ZBBX: variants seen among roughly 807,000 people sequenced by gnomAD.
ZBBX encodes the protein zinc finger B-box domain-containing protein 1.
A neutral mutation model predicts 108.5 loss-of-function variants in ZBBX; 101 were observed. The observed-to-expected ratio is 0.93, with a 90% confidence interval of 0.79 to 1.10. The LOEUF (loss-of-function observed/expected upper bound fraction) is 1.10. Among genes scored for constraint, ZBBX ranks in the 50% least tolerant of loss-of-function variants. The pLI, the probability that ZBBX is intolerant of heterozygous loss-of-function variation, is 0.00. For synonymous variants in ZBBX, 356 were observed against 323.4 expected (o/e 1.10, Z -1.08); for missense variants, 1,009 against 941.4 (o/e 1.07, Z -0.94).
intron 19 of ZBBX, among the ~76,000 whole-genome samples, chr3:167,285,654 T>A (rs1415430460): frequency 1.3e-5 from 2 of 152,136 alleles, no homozygotes; most frequent in Non-Finnish European, 2.9e-5. Context: ...ACGTCTTAAA[T>A]TCCTTCCAAC....
intron 17 of ZBBX, among the ~76,000 whole-genome samples, chr3:167,302,752 G>A (rs1371541490): frequency 6.6e-6 from 1 of 152,136 alleles, no homozygotes; most frequent in Non-Finnish European, 1.5e-5. Context: ...GCAGTTGCCA[G>A]AGTATCATCA....
At position 167,328,085 on chromosome 3, in the gene ZBBX, C is replaced by T. The variant is rs377612237; in HGVS notation, c.719G>A (p.Arg240His). 38 of 1,613,114 alleles carry T rather than the reference C, an allele frequency of 2.4e-5. No individual in the cohort carries two copies. In the African/African-American group the frequency reaches 4.3e-4, roughly 18 times the overall value. The change falls in exon 11 of 22, where the codon CGT becomes CAT. Residue 240 changes from arginine (R) to histidine (H), a missense_variant. Coordinates refer to ENST00000675490, the MANE Select transcript of ZBBX (RefSeq NM_001199201.2). ...CAACAGACTCTTTCTTGGTTTTGTA[C>T]GTTGTGCTCTTTTCATCGTTGTAAT... The part of the protein sequence containing the change: ...VEITTMKRAQ[R>H]TKPRKSLLCE...
intron 6 of ZBBX, among the ~76,000 whole-genome samples, chr3:167,365,116 T>G (rs1364036290): frequency 1.3e-5 from 2 of 151,744 alleles, no homozygotes; most frequent in Non-Finnish European, 2.9e-5. Context: ...TATAATTGAT[T>G]TTTCCCTAAG....
intron 5 of ZBBX, among the ~76,000 whole-genome samples, chr3:167,367,965 T>C (rs1745572280): frequency 4.7e-5 from 1 of 21,098 alleles, no homozygotes; most frequent in African/African-American, 1.5e-4. Context: ...TGATTATATA[T>C]ATGTATATAT....
chr3:167,199,819 C>T, the ZBBX span, among the ~76,000 whole-genome samples: 2 of 152,172 alleles, frequency 1.3e-5, no homozygotes, highest in South Asian at 2.1e-4. Context: ...CCAGCACATA[C>T]ATTTTCAAGA....
the ZBBX span, among the ~76,000 whole-genome samples, chr3:167,200,509 T>C: frequency 6.6e-6 from 1 of 152,132 alleles, no homozygotes; most frequent in Non-Finnish European, 1.5e-5. Flanking sequence ...TCTCAGAGTG[T>C]CCTGAGGCTT....
chr3:167,359,278 C>T (rs1486448509), intron 8 of ZBBX, among the ~76,000 whole-genome samples: 3 of 151,974 alleles, frequency 2.0e-5, no homozygotes, highest in African/African-American at 7.3e-5. Flanking sequence ...ACAGTAGTTG[C>T]CTTGGTGTTG....
chr3:167,357,821 A>C (rs969989530), intron 8 of ZBBX, among the ~76,000 whole-genome samples: 27 of 152,106 alleles, frequency 1.8e-4, no homozygotes, highest in African/African-American at 6.3e-4. Context: ...TGTGGCACAT[A>C]TACACCATGG....
At chr3:167,191,895 TC>T in the ZBBX span, among the ~76,000 whole-genome samples, 114 of 16,536 alleles carry the variant, frequency 6.9e-3, 5 homozygotes, top group African/African-American at 0.023. Context: ...CTTACAAAAA[TC>T]ATATATATAT....
the ZBBX span, among the ~76,000 whole-genome samples, chr3:167,182,363 C>T: frequency 6.6e-5 from 10 of 152,266 alleles, no homozygotes; most frequent in East Asian, 3.9e-4. Context: ...AGCTAGTAAC[C>T]GCAACACTAT....
At chr3:167,386,599 C>T (rs1425477305) in intron 1 of ZBBX, among the ~76,000 whole-genome samples, 1 of 151,944 alleles carries the variant, frequency 6.6e-6, no homozygotes, top group African/African-American at 2.4e-5. Flanking sequence ...TTTTTAATCA[C>T]TTAAGTTTCT....
chr3:167,319,520 A>G (rs1736051812), intron 12 of ZBBX, among the ~76,000 whole-genome samples: 1 of 152,044 alleles, frequency 6.6e-6, no homozygotes, highest in South Asian at 2.1e-4. Context: ...AAAATCAGTG[A>G]GGATATGGGC....
intron 9 of ZBBX, among the ~76,000 whole-genome samples, chr3:167,342,593 T>A (rs1162107384): frequency 4.6e-5 from 7 of 151,752 alleles, no homozygotes; most frequent in Non-Finnish European, 1.0e-4. Context: ...CAGAACTCAT[T>A]TATATTGCTA....
intron 20 of ZBBX, among the ~76,000 whole-genome samples, chr3:167,279,116 T>G (rs2108511067): frequency 6.6e-6 from 1 of 151,484 alleles, no homozygotes; most frequent in South Asian, 2.1e-4. Context: ...TAATAAGAGC[T>G]ATCTATGACA....
intron 6 of ZBBX, among the ~76,000 whole-genome samples, chr3:167,361,881 C>G (rs1264876662): frequency 6.6e-6 from 1 of 152,038 alleles, no homozygotes; most frequent in Admixed American, 6.6e-5. Flanking sequence ...GATAGATATG[C>G]CCAAGCAAAA....
the ZBBX span, among the ~76,000 whole-genome samples, chr3:167,179,790 T>C: frequency 6.6e-6 from 1 of 152,234 alleles, no homozygotes; most frequent in African/African-American, 2.4e-5. Context: ...GCACCTTCAA[T>C]TGGTTTAAAT....
chr3:167,261,045 C>T (rs1724425312), intron 20 of ZBBX, among the ~76,000 whole-genome samples: 1 of 152,212 alleles, frequency 6.6e-6, no homozygotes, highest in Non-Finnish European at 1.5e-5. Flanking sequence ...TACTCTCCCC[C>T]TATTCCTATG....
At chr3:167,245,248 C>T (rs1721359407) in intron 20 of ZBBX, among the ~76,000 whole-genome samples, 2 of 152,232 alleles carry the variant, frequency 1.3e-5, no homozygotes, top group East Asian at 1.9e-4. Context: ...CCCGTCTCTA[C>T]TAAAAATACA....
At chr3:167,324,331 G>T (rs1002103807) in intron 11 of ZBBX, among the ~76,000 whole-genome samples, 4 of 151,784 alleles carry the variant, frequency 2.6e-5, no homozygotes, top group African/African-American at 9.7e-5. Flanking sequence ...TTTGTGTAGA[G>T]ATGAGGTCTC....
Sources: allele counts gnomAD v4.1 joint callset (sites outside exome capture counted in the v4.1 genomes callset), GRCh38; gene constraint gnomAD v4.1.1; transcripts MANE v1.5; gene names NCBI Gene and HGNC (gene_info 2026-07-23, HGNC 2026-07-21).